Variants in ALK observed in about 807,000 individuals in gnomAD.
ALK encodes the protein ALK receptor tyrosine kinase, also known as ALK tyrosine kinase receptor.
A neutral mutation model predicts 163.1 loss-of-function variants in ALK; 74 were observed. The ratio of observed to expected loss-of-function variants is 0.45; its 90% confidence interval spans 0.38 to 0.55. ALK has a LOEUF of 0.55. Ranked by LOEUF, ALK falls within the 20% of genes least tolerant of loss-of-function variation. The probability of loss-of-function intolerance (pLI) is 0.00; values close to 1 mark genes in which losing one functional copy is unlikely to be tolerated. For synonymous variants in ALK, 960 were observed against 843.2 expected (o/e 1.14, Z -2.40); for missense variants, 2,063 against 2,105.3 (o/e 0.98, Z 0.39).
At chr2:29,806,398 A>G (rs1286294392) in intron 1 of ALK, among the ~76,000 whole-genome samples, 6 of 152,188 alleles carry the variant, frequency 3.9e-5, no homozygotes, top group Non-Finnish European at 8.8e-5. Flanking sequence ...GAAAAGAGAA[A>G]ATGAGATCGA....
intron 1 of ALK, among the ~76,000 whole-genome samples, chr2:29,835,829 A>G (rs116534883): frequency 0.021 from 3,200 of 152,270 alleles, 113 homozygotes; most frequent in African/African-American, 0.074. Context: ...ATGTAAGACA[A>G]GCCTCACCTT....
intron 4 of ALK, among the ~76,000 whole-genome samples, chr2:29,469,126 C>A (rs1332921252): frequency 4.6e-5 from 7 of 152,110 alleles, no homozygotes; most frequent in African/African-American, 9.7e-5. Context: ...GGGTAAAGAT[C>A]ATACTATGAA....
rs185326181 is a variant in ALK at position 29,460,640 on chromosome 2, C to A, written c.1154+71275G>T. Among the ~76,000 whole-genome samples the A allele has an allele frequency of 2.0e-5, 3 of 151,854 alleles. No individual in the cohort carries two copies. In the East Asian group the frequency reaches 5.8e-4, roughly 29 times the overall value. ...AATTGGTTTGGGATGCCAAAAACCA[C>A]GCCAAAATAAAACAGTGAATTTAAT... On this transcript the variant is annotated intron_variant, in intron 4 of 28. Coordinates refer to ENST00000389048, the MANE Select transcript of ALK (RefSeq NM_004304.5).
intron 12 of ALK, among the ~76,000 whole-genome samples, 174 bp from the exon 13 acceptor site, chr2:29,240,004 C>G (rs545111947): frequency 6.6e-6 from 1 of 152,206 alleles, no homozygotes; most frequent in East Asian, 1.9e-4. Flanking sequence ...AAAGGACGAT[C>G]AAGTTTAGAG....
intron 8 of ALK, among the ~76,000 whole-genome samples, chr2:29,307,639 T>G (rs1666561208): frequency 6.6e-6 from 1 of 152,238 alleles, no homozygotes; most frequent in African/African-American, 2.4e-5. Flanking sequence ...CTGAGAATAC[T>G]GACTCACTGC....
chr2:29,740,263 G>A (rs1680016144), intron 1 of ALK, among the ~76,000 whole-genome samples: 1 of 151,972 alleles, frequency 6.6e-6, no homozygotes, highest in Admixed American at 6.5e-5. Flanking sequence ...CAAAAGTAAC[G>A]CTTTCCATAT....
chr2:29,635,751 C>T (rs1043541599), intron 3 of ALK, among the ~76,000 whole-genome samples: 2 of 150,312 alleles, frequency 1.3e-5, no homozygotes, highest in Non-Finnish European at 3.0e-5. Flanking sequence ...TACAAATATG[C>T]ACCACCATGC....
chr2:29,611,124 G>A (rs905278032), intron 3 of ALK, among the ~76,000 whole-genome samples: 5 of 152,158 alleles, frequency 3.3e-5, no homozygotes, highest in Non-Finnish European at 7.4e-5. Context: ...ATACCCCTGG[G>A]AATCAAATGT....
intron 1 of ALK, 86 bp downstream of exon 1, chr2:29,919,907 G>C: frequency 1.1e-5 from 16 of 1,494,464 alleles, no homozygotes; most frequent in Non-Finnish European, 1.5e-5. Context: ...TTAGAAAGTG[G>C]GGTGGAAGTG....
chr2:29,800,140 G>C (rs1470934288), intron 1 of ALK, among the ~76,000 whole-genome samples: 2 of 152,234 alleles, frequency 1.3e-5, no homozygotes, highest in East Asian at 3.8e-4. Flanking sequence ...AGAGGAATGT[G>C]AAAGCCAGGG....
At chr2:29,908,994 A>G (rs1667626265) in intron 1 of ALK, among the ~76,000 whole-genome samples, 1 of 152,344 alleles carries the variant, frequency 6.6e-6, no homozygotes, top group East Asian at 1.9e-4. Flanking sequence ...TCAGGCAAAA[A>G]TTCAAACTTA....
At chr2:29,330,884 C>T (rs746821405) in intron 5 of ALK, among the ~76,000 whole-genome samples, 1 of 152,186 alleles carries the variant, frequency 6.6e-6, no homozygotes, top group Admixed American at 6.5e-5. Flanking sequence ...CCAGGAGGAA[C>T]CTGGCCTGCC....
At chr2:29,238,452 C>A (rs1664437919) in intron 13 of ALK, among the ~76,000 whole-genome samples, 2 of 152,198 alleles carry the variant, frequency 1.3e-5, no homozygotes, top group African/African-American at 4.8e-5. Context: ...CCGCTTTGGC[C>A]TTCCAACTTG....
chr2:29,920,303 C>A lies in ALK; in HGVS notation c.357G>T (p.Glu119Asp), dbSNP rs758250431. Residue 119 changes from glutamate (E) to aspartate (D), a missense_variant, in exon 1 of 29, where the codon GAG becomes GAT. By Grantham distance (45) the Glu-to-Asp change is conservative. Around this residue, in one of 5 missense-constraint regions of ALK, gnomAD observed 987 missense variants for 939.5 expected, o/e 1.05. Coordinates refer to ENST00000389048, the MANE Select transcript of ALK (RefSeq NM_004304.5). Reference sequence around the variant, plus strand: ...TCAGCACCCTGGACAGCGTCCGGGCCTCTGCCGGGGCTGGTGAACCGGCGG... The same window carrying A: ...TCAGCACCCTGGACAGCGTCCGGGCATCTGCCGGGGCTGGTGAACCGGCGG... ...SWTAGSPAPA[E>D]ARTLSRVLKG... The A allele has an allele frequency of 1.3e-5, 21 of 1,563,084 alleles. No homozygotes were observed. In the East Asian group the frequency reaches 2.4e-4, roughly 18 times the overall value.
chr2:29,388,230 G>C (rs1015102798), intron 4 of ALK, among the ~76,000 whole-genome samples: 1 of 152,188 alleles, frequency 6.6e-6, no homozygotes, highest in Non-Finnish European at 1.5e-5. Context: ...TGACTCAGGA[G>C]GGCAAAGGCA....
Position 29,758,117 on chromosome 2 carries a change from T to A in ALK, c.668-40420A>T, listed in dbSNP as rs545093304. Among the ~76,000 whole-genome samples the A allele has an allele frequency of 2.0e-5, 3 of 151,610 alleles. No individual in the cohort carries two copies. The South Asian group carries it at 6.3e-4, about 32-fold the overall frequency. On this transcript the variant is annotated intron_variant, in intron 1 of 28. Coordinates refer to ENST00000389048, the MANE Select transcript of ALK (RefSeq NM_004304.5). ...CCTCTGCCTCTTGGGCTCAAGTGAT[T>A]CTCCTGCCTCAGCCTCTGGAGTAGC... is the stretch of plus-strand genomic sequence containing the variant.
intron 5 of ALK, among the ~76,000 whole-genome samples, chr2:29,377,259 G>A (rs935515684): frequency 1.3e-5 from 2 of 152,014 alleles, no homozygotes; most frequent in African/African-American, 2.4e-5. Flanking sequence ...GGCGGATCAC[G>A]AGGTCAGGAG....
At chr2:29,314,191 C>A (rs6742351) in intron 8 of ALK, among the ~76,000 whole-genome samples, 4 of 151,912 alleles carry the variant, frequency 2.6e-5, no homozygotes, top group Admixed American at 6.5e-5. Context: ...CTTCGGGTGC[C>A]TTCCTTTGAG....
intron 3 of ALK, among the ~76,000 whole-genome samples, chr2:29,651,505 A>T (rs1677034580): frequency 6.6e-6 from 1 of 152,158 alleles, no homozygotes; most frequent in Non-Finnish European, 1.5e-5. Flanking sequence ...GGTTTATGTG[A>T]TGGGGAATAA....
Sources: gnomAD v4.1 joint callset for allele counts (sites outside exome capture counted in the v4.1 genomes callset) on GRCh38, gnomAD v4.1.1 for gene constraint, gnomAD v4.1.1 regional missense constraint, MANE v1.5 for transcripts, NCBI Gene and HGNC (gene_info 2026-07-23, HGNC 2026-07-21) for gene names.